ACP5: variants seen among roughly 807,000 people sequenced by gnomAD.
The protein encoded by ACP5 is tartrate-resistant acid phosphatase type 5.
A neutral mutation model predicts 28.7 loss-of-function variants in ACP5; 24 were observed. That is an observed-to-expected ratio of 0.84 (90% CI 0.61 to 1.18). The LOEUF (loss-of-function observed/expected upper bound fraction) is 1.18. ACP5 is among the 50% of genes most tolerant of loss of function. ACP5 has a pLI of 0.00. For missense variants in ACP5, 354 were observed against 422.2 expected, an observed-to-expected ratio of 0.84 and a Z score of 1.42; for synonymous variants, 154 against 181.4, an observed-to-expected ratio of 0.85 and a Z score of 1.21.
chr19:11,577,822 A>C (rs1973231701), upstream of ACP5: 1 of 236,002 alleles, frequency 4.2e-6, no homozygotes, highest in Non-Finnish European at 8.5e-6. The surrounding 1 kb of genome is among the most constrained non-coding windows in gnomAD (Gnocchi z 5.7). Flanking sequence ...ATCTGGGCAC[A>C]CGTGTGCAGC....
Position 11,575,127 on chromosome 19 carries a change from G to A in ACP5, c.861C>T (p.Asp287=), listed in dbSNP as rs147115345. Residue 287 remains aspartate (D), a synonymous_variant, in exon 5 of 5, where the codon GAC becomes GAT. Transcript: ENST00000648477. ...CCACATAGGCAAAGCCACCCAGTGA[G>A]TCTTCAGTCCCATAGTGGAAGCGCA... ...GYLRFHYGTE[D]SLGGFAYVEI... is the part of the protein sequence containing the mutation. The A allele has an allele frequency of 1.6e-3, 2,528 of 1,614,234 alleles. 22 individuals are homozygous for A. Among genetic ancestry groups the A allele is most frequent in the South Asian group, 0.013 (1,151 of 91,084 alleles).
At chr19:11,578,414 T>C (rs1374505444), upstream of ACP5, among the ~76,000 whole-genome samples, 1 of 150,316 alleles carries the variant, frequency 6.7e-6, no homozygotes, top group Non-Finnish European at 1.5e-5. Context: ...CCCCCCAGAC[T>C]CCCATTCCTG....
intron 4 of ACP5, 143 bp from the exon 5 acceptor site, chr19:11,575,395 G>C (rs1406616045): frequency 4.0e-6 from 4 of 994,804 alleles, no homozygotes; most frequent in Non-Finnish European, 6.2e-6. Flanking sequence ...ACTTTTAGGA[G>C]TGTATTAATC....
upstream of ACP5, chr19:11,577,803 G>A: frequency 8.0e-6 from 2 of 250,290 alleles, no homozygotes; most frequent in East Asian, 1.0e-4. This position sits in a 1 kb window ranked among gnomAD's most constrained non-coding sequence, Gnocchi z 5.7. Context: ...TTGGGGTGGG[G>A]GTGGGAGGAT....
chr19:11,575,386 CT>C (rs567894856), intron 4 of ACP5, 134 bp from the exon 5 acceptor site: 67 of 1,078,054 alleles, frequency 6.2e-5, no homozygotes, highest in Non-Finnish European at 8.7e-5. Context: ...AATTTCCTGA[CT>C]TTTAGGAGTG....
chr19:11,576,773 T>C lies in ACP5; in HGVS notation c.332A>G (p.His111Arg), dbSNP rs754714567. 1 of 1,613,992 alleles carries C rather than the reference T, an allele frequency of 6.2e-7. No individual in the cohort carries two copies. Among genetic ancestry groups the C allele is most frequent in the Non-Finnish European group, 8.5e-7 (1 of 1,179,976 alleles). The change falls in exon 3 of 5, where the codon CAT becomes CGT. Residue 111 changes from histidine to arginine, a missense_variant. His to Arg is a conservative substitution (Grantham distance 29). Coordinates refer to ENST00000648477, the MANE Select transcript of ACP5 (RefSeq NM_001611.5). ...KVPWYVLAGNHDHLGNVSAQI... is the reference protein window; with the variant it reads ...KVPWYVLAGNRDHLGNVSAQI... ...GGCAGAGACATTGCCAAGGTGGTCA[T>C]GGTTTCCGGCTAGCACGTACCAGGG...
Position 11,576,712 on chromosome 19 carries a change from T to G in ACP5, c.389+4A>C. 2 of 1,612,866 alleles carry G rather than the reference T, an allele frequency of 1.2e-6. No individual in the cohort carries two copies. The highest frequency in any genetic ancestry group is 1.7e-6 in the Non-Finnish European group (2 of 1,179,640). ...CTCGGAAGGCAGGGCTGAGGGTGGC[T>G]CACCAGCGCTTGGAGATCTTAGAGT... On this transcript the variant is annotated splice_donor_region_variant and intron_variant, in intron 3 of 4. Coordinates refer to ENST00000648477, the MANE Select transcript of ACP5 (RefSeq NM_001611.5).
At chr19:11,576,006 C>CAAAAAAAAAAAAAAAAAAAAAAAAAAAA (rs3035420) in intron 4 of ACP5, among the ~76,000 whole-genome samples, 17 of 52,842 alleles carry the variant, frequency 3.2e-4, no homozygotes, top group South Asian at 7.7e-4. Context: ...ACCTTGTCTC[C>CAAAAAAAAAAAAAAAAAAAAAAAAAAAA]AAAAAAAAAA....
At position 11,577,205 on chromosome 19, in the gene ACP5, G is replaced by T. The variant is rs1476115112; in HGVS notation, c.113C>A (p.Pro38His). The change falls in exon 2 of 5, where the codon CCC becomes CAC. Residue 38 changes from proline to histidine, a missense_variant. Coordinates refer to ENST00000648477, the MANE Select transcript of ACP5 (RefSeq NM_001611.5). The surrounding 1 kb of genome is among the most constrained non-coding windows in gnomAD (Gnocchi z 5.7). ...CCGGGCCGTGTGGAATGGGGCATTGGGGACCCCTCCCCAGTCACCCACGGC... is the reference window on the plus strand; with the variant it reads ...CCGGGCCGTGTGGAATGGGGCATTGTGGACCCCTCCCCAGTCACCCACGGC... ...FVAVGDWGGV[P>H]NAPFHTAREM... 1 of 1,614,176 alleles carries T rather than the reference G, an allele frequency of 6.2e-7. No homozygotes were observed. Among genetic ancestry groups the T allele is most frequent in the East Asian group, 2.2e-5 (1 of 44,870 alleles).
At position 11,576,806 on chromosome 19, in the gene ACP5, C is replaced by A. The variant is rs141651325; in HGVS notation, c.299G>T (p.Arg100Leu). The change falls in exon 3 of 5, where the codon CGC becomes CTC. Residue 100 changes from arginine to leucine, a missense_variant. Transcript: ENST00000648477. ...GGCTAGCACGTACCAGGGCACTTTG[C>A]GAAGGGAGCGGTCAGAGAATACGTC... ...FEDVFSDRSL[R>L]KVPWYVLAGN... 6.2e-6 allele frequency: 10 copies of A among 1,614,052 alleles called. No individual in the cohort carries two copies. The East Asian group carries it at 2.0e-4, about 32-fold the overall frequency.
intron 4 of ACP5, among the ~76,000 whole-genome samples, chr19:11,575,751 G>A (rs1233123235): frequency 2.0e-5 from 3 of 151,996 alleles, no homozygotes; most frequent in African/African-American, 7.2e-5. Flanking sequence ...CAGCTACTTG[G>A]GAGGCTGAGA....
rs752902742 is a variant in ACP5, at chr19:11,576,468, C to T, written c.510G>A (p.Gln170=). The change falls in exon 4 of 5, where the codon CAG becomes CAA. Residue 170 remains glutamine, a synonymous_variant. Coordinates refer to ENST00000648477, the MANE Select transcript of ACP5 (RefSeq NM_001611.5). ...LCGNSDDFLS[Q]QPERPRDVKL... ...TCACGTCTCGGGGCCTCTCAGGCTG[C>T]TGGCTGAGGAAGTCATCTGAGTTGC... 5.0e-6 allele frequency: 8 copies of T among 1,614,070 alleles called. No homozygotes were observed. The African/African-American group carries it at 8.0e-5, about 16-fold the overall frequency.
Position 11,575,031 on chromosome 19 carries a change from C to A in ACP5, c.957G>T (p.Leu319=). ...GAGTTCAGGGCCTGGCTCGCCTCGG[C>A]AGCCTGGTCTTAAAGAGGGACTTGC... The part of the protein sequence containing the change: ...ASGKSLFKTR[L]PRRARP Residue 319 remains leucine, a synonymous_variant, in exon 5 of 5, where the codon CTG becomes CTT. Coordinates refer to ENST00000648477, the MANE Select transcript of ACP5 (RefSeq NM_001611.5). The A allele has an allele frequency of 6.2e-7, 1 of 1,614,170 alleles. No individual in the cohort carries two copies. The highest frequency in any genetic ancestry group is 8.5e-7 in the Non-Finnish European group (1 of 1,180,030).
Position 11,574,913 on chromosome 19 carries a change from C to G in ACP5, c.*97G>C, listed in dbSNP as rs538729009. 7.0e-7 allele frequency: 1 copy of G among 1,436,128 alleles called. No homozygotes were observed. The highest frequency in any genetic ancestry group is 1.4e-5 in the African/African-American group (1 of 71,378). The allele number at this position is 1,436,128 out of a possible 1,614,324, so 89.0% of individuals were successfully genotyped here. A position where few individuals can be genotyped will look rare whatever the true frequency, so the allele number is the denominator to read the frequency against. On this transcript the variant is annotated 3_prime_UTR_variant, in exon 5 of 5. Coordinates refer to ENST00000648477, the MANE Select transcript of ACP5 (RefSeq NM_001611.5). The stretch of plus-strand genomic sequence containing the variant: ...CCCTTCCTGCCCTGCTGCAGCGCCA[C>G]AGGTTGGAGGAAAAGCCTGCCTGTG...
upstream of ACP5, chr19:11,578,291 T>A (rs1353650572): frequency 2.0e-5 from 3 of 152,480 alleles, no homozygotes; most frequent in African/African-American, 7.2e-5. Flanking sequence ...TTTGACAACA[T>A]CTGGGTGGGG....
rs1426538315 is a variant in ACP5 at position 11,577,105 on chromosome 19, G to A, written c.213C>T (p.Asp71=). 1 of 1,614,104 alleles carries A rather than the reference G, an allele frequency of 6.2e-7. No individual in the cohort carries two copies. The highest frequency in any genetic ancestry group is 1.7e-5 in the Admixed American group (1 of 60,002). Residue 71 remains aspartate, a synonymous_variant, in exon 2 of 5, where the codon GAC becomes GAT. Coordinates refer to ENST00000648477, the MANE Select transcript of ACP5 (RefSeq NM_001611.5). The surrounding 1 kb of genome is among the most constrained non-coding windows in gnomAD (Gnocchi z 5.7). The part of the protein sequence containing the change: ...LGADFILSLG[D]NFYFTGVQDI... ...CTTGCACACCAGTGAAGTAAAAATT[G>A]TCCCCTAGAGACAGGATGAAGTCTG...
rs776255603 is a variant in ACP5 at position 11,574,920 on chromosome 19, G to C, written c.*90C>G. On this transcript the variant is annotated 3_prime_UTR_variant, in exon 5 of 5. Transcript: ENST00000648477. Reference sequence around the variant, plus strand: ...TGCCCTGCTGCAGCGCCACAGGTTGGAGGAAAAGCCTGCCTGTGAGCAGGG... The same window carrying C: ...TGCCCTGCTGCAGCGCCACAGGTTGCAGGAAAAGCCTGCCTGTGAGCAGGG... 25 of 1,493,986 alleles carry C rather than the reference G, an allele frequency of 1.7e-5. No homozygotes were observed. The highest frequency in any genetic ancestry group is 2.2e-5 in the Non-Finnish European group (24 of 1,076,322). 92.5% of individuals were successfully genotyped at this position (1,493,986 alleles called of 1,614,324 possible).
upstream of ACP5, chr19:11,578,002 C>A (rs1973238880): frequency 6.3e-6 from 1 of 159,852 alleles, no homozygotes; most frequent in South Asian, 1.8e-4. Context: ...CCTGCACCTT[C>A]TTTCTCTGAG....
At position 11,577,566 on chromosome 19, in the gene ACP5, CT is replaced by C. The variant is rs1476814527; in HGVS notation, c.-1+26del. The stretch of plus-strand genomic sequence containing the variant: ...GGCCCTGCAGGCCCATTTCACCCTC[CT>C]TCCACCTAGCCTGCCCAGCACTCAC... On this transcript the variant is annotated intron_variant, in intron 1 of 4. Coordinates refer to ENST00000648477, the MANE Select transcript of ACP5 (RefSeq NM_001611.5). This position sits in a 1 kb window ranked among gnomAD's most constrained non-coding sequence, Gnocchi z 5.7. 5 of 585,400 alleles carry C rather than the reference CT, an allele frequency of 8.5e-6. No homozygotes were observed. The highest frequency in any genetic ancestry group is 1.5e-5 in the Non-Finnish European group (5 of 326,582). 36.3% of individuals were successfully genotyped at this position (585,400 alleles called of 1,614,324 possible).
Sources: gnomAD v4.1 joint callset for allele counts (sites outside exome capture counted in the v4.1 genomes callset) on GRCh38, gnomAD v4.1.1 for gene constraint, Gnocchi (gnomAD v3.1) non-coding constraint, MANE v1.5 for transcripts, NCBI Gene and HGNC (gene_info 2026-07-23, HGNC 2026-07-21) for gene names.